The following CATSPERB variants were observed in gnomAD, a reference collection of about 807,000 sequenced individuals.
CATSPERB encodes catsper channel auxiliary subunit beta.
Under a neutral mutation model 128.3 loss-of-function variants are expected in CATSPERB, and 93 were observed. That is an observed-to-expected ratio of 0.72 (90% CI 0.61 to 0.86). The LOEUF is 0.86. Among genes scored for constraint, CATSPERB ranks in the 40% least tolerant of loss-of-function variants. The probability of loss-of-function intolerance (pLI) is 0.00; values close to 1 mark genes in which losing one functional copy is unlikely to be tolerated. For missense variants in CATSPERB, 1,153 were observed against 1,329.5 expected (o/e 0.87, Z 2.06); for synonymous variants, 381 against 448.8 (o/e 0.85, Z 1.91).
Position 91,581,084 on chromosome 14 carries a change from C to G in CATSPERB, c.3156G>C (p.Leu1052Phe), listed in dbSNP as rs766830320. Residue 1052 changes from leucine to phenylalanine, a missense_variant, in exon 27 of 27, where the codon TTG becomes TTC. Coordinates refer to ENST00000256343, the MANE Select transcript of CATSPERB (RefSeq NM_024764.4). ...EFQIYVDEAP[L>F]PFPGHTLIAV... ...CAATAAGCGTGTGTCCTGGGAATGG[C>G]AATGGTGCCTCATCAACATAAATCT... 6.8e-6 allele frequency: 11 copies of G among 1,613,994 alleles called. No homozygotes were observed. Among genetic ancestry groups the G allele is most frequent in the Non-Finnish European group, 7.6e-6 (9 of 1,179,922 alleles).
At chr14:91,585,611 T>C (rs1944674093) in intron 26 of CATSPERB, among the ~76,000 whole-genome samples, 1 of 152,220 alleles carries the variant, frequency 6.6e-6, no homozygotes, top group Admixed American at 6.5e-5. Flanking sequence ...ATTTCAAAAG[T>C]GTTTACCTGT....
intron 21 of CATSPERB, among the ~76,000 whole-genome samples, chr14:91,609,211 T>G (rs79720917): frequency 6.6e-6 from 1 of 152,138 alleles, no homozygotes; most frequent in Admixed American, 6.5e-5. Flanking sequence ...TTTTTTTTTT[T>G]GTAATGTCAT....
At chr14:91,730,645 T>A (rs1253132844) in intron 1 of CATSPERB, among the ~76,000 whole-genome samples, 6 of 152,030 alleles carry the variant, frequency 3.9e-5, no homozygotes, top group African/African-American at 1.2e-4. Flanking sequence ...GACCTAGGAG[T>A]CTTGTGTCTT....
intron 22 of CATSPERB, among the ~76,000 whole-genome samples, chr14:91,593,320 C>T (rs925938806): frequency 3.9e-5 from 6 of 152,216 alleles, no homozygotes; most frequent in African/African-American, 1.4e-4. Context: ...AATCCACTGA[C>T]AGCTTGCACC....
chr14:91,594,952 A>C (rs1333026772), intron 22 of CATSPERB, among the ~76,000 whole-genome samples: 1 of 152,334 alleles, frequency 6.6e-6, no homozygotes. Context: ...AAATAAAGAC[A>C]AAAGGGGGTA....
intron 14 of CATSPERB, among the ~76,000 whole-genome samples, chr14:91,664,828 C>A (rs1430985147): frequency 6.6e-6 from 1 of 152,062 alleles, no homozygotes; most frequent in Non-Finnish European, 1.5e-5. Flanking sequence ...CAGAGGACAC[C>A]ATATAAACCC....
chr14:91,581,088 G>T lies in CATSPERB; in HGVS notation c.3152C>A (p.Pro1051Gln). The T allele has an allele frequency of 6.2e-7, 1 of 1,613,940 alleles. No individual in the cohort carries two copies. The highest frequency in any genetic ancestry group is 8.5e-7 in the Non-Finnish European group (1 of 1,179,874). ...AAGCGTGTGTCCTGGGAATGGCAAT[G>T]GTGCCTCATCAACATAAATCTGCAA... The part of the protein sequence containing the change: ...EEFQIYVDEA[P>Q]LPFPGHTLIA... The change falls in exon 27 of 27, where the codon CCA (proline) becomes CAA (glutamine). Residue 1051 changes from proline (P) to glutamine (Q), a missense_variant. Pro to Gln is a moderately conservative substitution (Grantham distance 76, BLOSUM62 -1). Transcript: ENST00000256343.
chr14:91,678,264 C>T (rs1490385532), intron 11 of CATSPERB, among the ~76,000 whole-genome samples: 6 of 152,138 alleles, frequency 3.9e-5, no homozygotes, highest in East Asian at 1.9e-4. Context: ...ACTGAACTGC[C>T]GTAAAGACTG....
intron 15 of CATSPERB, among the ~76,000 whole-genome samples, chr14:91,641,716 T>G (rs1566715541): frequency 1.9e-5 from 2 of 107,446 alleles, no homozygotes; most frequent in Non-Finnish European, 3.8e-5. Context: ...CCATATGAAC[T>G]TTAAAGTAGT....
At chr14:91,712,075 TAGAG>T (rs566829004) in intron 5 of CATSPERB, among the ~76,000 whole-genome samples, 2 of 152,124 alleles carry the variant, frequency 1.3e-5, no homozygotes, top group South Asian at 4.1e-4. Flanking sequence ...AAGCAATGCT[TAGAG>T]AGAAATATAT....
chr14:91,667,518 C>T (rs1277504433), intron 14 of CATSPERB, among the ~76,000 whole-genome samples: 1 of 152,148 alleles, frequency 6.6e-6, no homozygotes, highest in Non-Finnish European at 1.5e-5. Context: ...TTCTGTCTAC[C>T]CAGCCAAGGC....
intron 7 of CATSPERB, among the ~76,000 whole-genome samples, chr14:91,697,995 C>T (rs552914356): frequency 6.6e-6 from 1 of 152,218 alleles, no homozygotes; most frequent in South Asian, 2.1e-4. Flanking sequence ...GGTAATGATT[C>T]TTCCAATCCA....
At chr14:91,699,811 G>T (rs1895617854) in intron 7 of CATSPERB, among the ~76,000 whole-genome samples, 1 of 152,012 alleles carries the variant, frequency 6.6e-6, no homozygotes. Context: ...GACCTCAGGT[G>T]ATTTGCCCAC....
chr14:91,668,106 C>T (rs143685597), intron 14 of CATSPERB, among the ~76,000 whole-genome samples: 1 of 152,188 alleles, frequency 6.6e-6, no homozygotes, highest in Admixed American at 6.5e-5. Flanking sequence ...CCCCATCCAG[C>T]AGGAAGTAGC....
intron 15 of CATSPERB, among the ~76,000 whole-genome samples, chr14:91,655,104 T>C (rs1613322): frequency 0.2 from 30,961 of 152,188 alleles, 3,360 homozygotes; most frequent in African/African-American, 0.25. Context: ...AGCCAAAGCA[T>C]TACTGGGCTT....
At position 91,672,840 on chromosome 14, in the gene CATSPERB, A is replaced by G. The variant is rs199639630; in HGVS notation, c.1128+27T>C. 4.7e-6 allele frequency: 7 copies of G among 1,494,602 alleles called. No homozygotes were observed. In the Admixed American group the frequency reaches 1.1e-4, roughly 22 times the overall value. The allele number at this position is 1,494,602 out of a possible 1,614,324, so 92.6% of individuals were successfully genotyped here. A position where few individuals can be genotyped will look rare whatever the true frequency, so the allele number is the denominator to read the frequency against. On this transcript the variant is annotated intron_variant, in intron 13 of 26. Transcript: ENST00000256343. ...ATTTTTATTGTTGTCATGTCAAGAT[A>G]AATTCCCTCTGGGATATAAGGCCTA...
chr14:91,614,465 C>A (rs1893897032), intron 20 of CATSPERB, among the ~76,000 whole-genome samples: 2 of 152,198 alleles, frequency 1.3e-5, no homozygotes, highest in African/African-American at 4.8e-5. Context: ...GGCTTTGAGA[C>A]CAGCCTGGGC....
chr14:91,692,558 T>A (rs1159328318), intron 9 of CATSPERB, among the ~76,000 whole-genome samples: 1 of 152,200 alleles, frequency 6.6e-6, no homozygotes, highest in African/African-American at 2.4e-5. Context: ...ATAAGAAATA[T>A]CTGTGTCTCA....
intron 15 of CATSPERB, among the ~76,000 whole-genome samples, chr14:91,640,513 C>A (rs111526102): frequency 0.1 from 11,193 of 109,936 alleles, 574 homozygotes; most frequent in Middle Eastern, 0.15. Context: ...TTTGTTCTTG[C>A]GATAGTTTAC....
Sources: gnomAD v4.1 joint callset for allele counts (sites outside exome capture counted in the v4.1 genomes callset) on GRCh38, gnomAD v4.1.1 for gene constraint, MANE v1.5 for transcripts, NCBI Gene and HGNC (gene_info 2026-07-23, HGNC 2026-07-21) for gene names.